SGCG: variants seen among roughly 807,000 people sequenced by gnomAD.
SGCG encodes the protein sarcoglycan gamma.
SGCG carries 26 observed loss-of-function variants against 29.3 expected under a neutral mutation model. The ratio of observed to expected loss-of-function variants is 0.89; its 90% CI spans 0.65 to 1.23. SGCG has a LOEUF of 1.23. Among genes scored for constraint, SGCG ranks in the 50% most tolerant of loss-of-function variants. The pLI, the probability that SGCG is intolerant of heterozygous loss-of-function variation, is 0.00. For synonymous variants in SGCG, 145 were observed against 129.7 expected, an observed-to-expected ratio of 1.12 and a Z score of -0.80; for missense variants, 353 against 356.0, an observed-to-expected ratio of 0.99 and a Z score of 0.07.
chr13:23,178,091 G>C (rs1011254915), upstream of SGCG, among the ~76,000 whole-genome samples: 1 of 152,120 alleles, frequency 6.6e-6, no homozygotes, highest in Non-Finnish European at 1.5e-5. Context: ...GCTTGATGAA[G>C]GGCTTTAGGC....
rs1566049866 is a variant in SGCG at position 23,324,469 on chromosome 13, A to G, written c.804A>G (p.Pro268=). 1.2e-6 allele frequency: 2 copies of G among 1,614,030 alleles called. No homozygotes were observed. The highest frequency in any genetic ancestry group is 4.5e-5 in the East Asian group (2 of 44,874). Residue 268 remains proline, a synonymous_variant, in exon 8 of 8, where the codon CCA becomes CCG. Coordinates refer to ENST00000218867, the MANE Select transcript of SGCG (RefSeq NM_000231.3). ...SQSLYEICVC[P]DGKLYLSVAG... ...GCCTCTACGAAATCTGTGTGTGTCC[A>G]GATGGGAAGCTGTACCTGTCTGTGG...
chr13:23,180,187 TA>T (rs1876682891), upstream of SGCG, among the ~76,000 whole-genome samples: 1 of 152,158 alleles, frequency 6.6e-6, no homozygotes, highest in African/African-American at 2.4e-5. Context: ...CCAGGTCACA[TA>T]AAAATAATGC....
intron 6 of SGCG, among the ~76,000 whole-genome samples, chr13:23,298,415 A>T (rs1386105190): frequency 6.6e-6 from 1 of 152,168 alleles, no homozygotes; most frequent in East Asian, 1.9e-4. Flanking sequence ...TAAATAATAA[A>T]GGATTAGGAA....
At chr13:23,323,703 G>A (rs1278876451) in intron 7 of SGCG, among the ~76,000 whole-genome samples, 5 of 152,138 alleles carry the variant, frequency 3.3e-5, no homozygotes, top group African/African-American at 9.7e-5. Context: ...CTTAGTCTGC[G>A]TGTCTACTGC....
chr13:23,203,733 CT>C lies in SGCG; in HGVS notation c.40del (p.Cys14AlafsTer2). The C allele has an allele frequency of 6.2e-7, 1 of 1,613,978 alleles. No individual in the cohort carries two copies. The highest frequency in any genetic ancestry group is 8.5e-7 in the Non-Finnish European group (1 of 1,179,902). On this transcript the variant is annotated frameshift_variant, in exon 2 of 8. Transcript: ENST00000218867. LOFTEE classifies it high-confidence loss of function. ...AGTACACTACAGCCACAGAAGGCAT[CT>C]GCATAGAGAGGCCAGAGAATCAGTA... Reference protein sequence around the residue: ...EQYTTATEGICIERPENQYVY... With the variant: ...EQYTTATEGIXIERPENQYVY...
chr13:23,185,702 G>A (rs1876943650), intron 1 of SGCG, among the ~76,000 whole-genome samples: 1 of 152,202 alleles, frequency 6.6e-6, no homozygotes, highest in Non-Finnish European at 1.5e-5. Context: ...GGCCTGCAGG[G>A]CTGTTCCCAA....
At chr13:23,198,466 A>G (rs968048606) in intron 1 of SGCG, among the ~76,000 whole-genome samples, 6 of 152,202 alleles carry the variant, frequency 3.9e-5, no homozygotes, top group African/African-American at 1.4e-4. Context: ...TTTACACCAA[A>G]ACAAGTATAG....
intron 2 of SGCG, among the ~76,000 whole-genome samples, chr13:23,204,807 C>A (rs888209708): frequency 1.3e-5 from 2 of 150,716 alleles, no homozygotes; most frequent in Non-Finnish European, 3.0e-5. Context: ...TGCACAGGCT[C>A]TTTCTGAGAG....
intron 4 of SGCG, among the ~76,000 whole-genome samples, chr13:23,261,636 C>A (rs910079340): frequency 6.6e-6 from 1 of 151,912 alleles, no homozygotes; most frequent in African/African-American, 2.4e-5. Flanking sequence ...TTTAGACATC[C>A]AAGTACAAGA....
intron 2 of SGCG, among the ~76,000 whole-genome samples, chr13:23,223,142 G>T (rs1250200014): frequency 6.6e-6 from 1 of 151,994 alleles, no homozygotes; most frequent in Non-Finnish European, 1.5e-5. Flanking sequence ...GCGGGGTGTG[G>T]TGGCGGGCGC....
In SGCG at chr13:23,234,737, T is replaced by C. The variant is rs371399489; in HGVS notation, c.297+25T>C. ...GGTAAGAAAATGTTAAGACAAATAA[T>C]TTGTGCTTTATGAAAAATAAATCAT... On this transcript the variant is annotated intron_variant, in intron 3 of 7. Transcript: ENST00000218867. 4.2e-5 allele frequency: 61 copies of C among 1,443,650 alleles called. No homozygotes were observed. The African/African-American group carries it at 7.8e-4, about 19-fold the overall frequency. 89.4% of individuals were successfully genotyped at this position (1,443,650 alleles called of 1,614,324 possible).
chr13:23,312,162 T>C (rs1038833839), intron 6 of SGCG, among the ~76,000 whole-genome samples: 1 of 152,214 alleles, frequency 6.6e-6, no homozygotes, highest in Non-Finnish European at 1.5e-5. Flanking sequence ...TTCATTCAGA[T>C]GTCATATTCA....
chr13:23,171,954 A>G, the SGCG span, among the ~76,000 whole-genome samples: 2 of 152,228 alleles, frequency 1.3e-5, no homozygotes, highest in Admixed American at 6.5e-5. Context: ...TGAGGATGCT[A>G]TTCAAAATCA....
At chr13:23,169,424 T>C in the SGCG span, among the ~76,000 whole-genome samples, 2 of 150,896 alleles carry the variant, frequency 1.3e-5, no homozygotes, top group East Asian at 3.9e-4. Context: ...CTCACGCCTG[T>C]AATCCCAGCA....
chr13:23,239,122 A>G (rs185326367), intron 3 of SGCG, among the ~76,000 whole-genome samples: 3 of 152,258 alleles, frequency 2.0e-5, no homozygotes, highest in African/African-American at 7.2e-5. Flanking sequence ...AACATGTTCA[A>G]TGAACCCCAA....
chr13:23,244,450 C>T (rs764112943), intron 3 of SGCG: 6 of 152,108 alleles, frequency 3.9e-5, no homozygotes, highest in Non-Finnish European at 7.3e-5. Flanking sequence ...AACTATTTCT[C>T]GGATTCATCT....
At chr13:23,242,922 T>C (rs924559766) in intron 3 of SGCG, among the ~76,000 whole-genome samples, 2 of 152,142 alleles carry the variant, frequency 1.3e-5, no homozygotes, top group African/African-American at 4.8e-5. Flanking sequence ...AAACTTCAGT[T>C]TTCTTACCTA....
rs34630285 is a variant in SGCG, at chr13:23,295,065, A to C, written c.506-350A>C. The stretch of plus-strand genomic sequence containing the variant: ...TTTTATACATAAAATCTAGAGAATT[A>C]GTTAAATTACTATTACTTAAAATAT... On this transcript the variant is annotated intron_variant, in intron 5 of 7. Coordinates refer to ENST00000218867, the MANE Select transcript of SGCG (RefSeq NM_000231.3). Among the ~76,000 whole-genome samples, 627 of 152,286 alleles carry C rather than the reference A, an allele frequency of 4.1e-3. 2 individuals carry two copies. The highest frequency in any genetic ancestry group is 0.014 in the African/African-American group (593 of 41,554).
chr13:23,305,556 C>A (rs191961821), intron 6 of SGCG, among the ~76,000 whole-genome samples: 15 of 152,284 alleles, frequency 9.9e-5, no homozygotes, highest in African/African-American at 3.6e-4. Context: ...GTCCTCAATG[C>A]AATGTGAGAA....
Sources: gnomAD v4.1 joint callset for allele counts (sites outside exome capture counted in the v4.1 genomes callset) on GRCh38, gnomAD v4.1.1 for gene constraint, MANE v1.5 for transcripts, NCBI Gene and HGNC (gene_info 2026-07-23, HGNC 2026-07-21) for gene names.